The following SRD5A2 variants were observed in gnomAD, a reference collection of about 807,000 sequenced individuals.
The protein encoded by SRD5A2 is steroid 5 alpha-reductase 2.
In SRD5A2, 30 loss-of-function variants were observed where a neutral mutation model predicts 27.4. That is an observed-to-expected ratio of 1.10 (90% CI 0.82 to 1.49). The LOEUF (loss-of-function observed/expected upper bound fraction) is 1.49. SRD5A2 is among the 40% of genes most tolerant of loss of function. The pLI, the probability that SRD5A2 is intolerant of heterozygous loss-of-function variation, is 0.00. For missense variants in SRD5A2, 348 were observed against 323.4 expected, an observed-to-expected ratio of 1.08 and a Z score of -0.58; for synonymous variants, 141 against 133.6, an observed-to-expected ratio of 1.06 and a Z score of -0.38.
At chr2:31,620,568 T>C in the SRD5A2 span, among the ~76,000 whole-genome samples, 1 of 152,100 alleles carries the variant, frequency 6.6e-6, no homozygotes, top group African/African-American at 2.4e-5. Context: ...ATATTTGCTT[T>C]ATTGTGGTGG....
the SRD5A2 span, among the ~76,000 whole-genome samples, chr2:31,592,484 G>A: frequency 6.6e-6 from 1 of 152,186 alleles, no homozygotes; most frequent in African/African-American, 2.4e-5. Context: ...GCAGACACTG[G>A]CATTCACAGC....
chr2:31,635,898 C>T, the SRD5A2 span, among the ~76,000 whole-genome samples: 1 of 151,944 alleles, frequency 6.6e-6, no homozygotes, highest in African/African-American at 2.4e-5. Context: ...TATTCTGTTC[C>T]ATTGGTCTAG....
intron 1 of SRD5A2, among the ~76,000 whole-genome samples, chr2:31,555,656 G>A (rs1410536675): frequency 3.3e-5 from 5 of 152,160 alleles, no homozygotes; most frequent in Non-Finnish European, 7.4e-5. Flanking sequence ...ATCTGGACCT[G>A]AAGCTGGAAT....
At chr2:31,575,514 T>C (rs1405818732) in intron 1 of SRD5A2, among the ~76,000 whole-genome samples, 1 of 152,194 alleles carries the variant, frequency 6.6e-6, no homozygotes, top group Non-Finnish European at 1.5e-5. Flanking sequence ...AAGAAAAGAC[T>C]CAGACAAGGC....
At chr2:31,581,568 T>C (rs2148107904), upstream of SRD5A2, among the ~76,000 whole-genome samples, 1 of 152,240 alleles carries the variant, frequency 6.6e-6, no homozygotes, top group East Asian at 1.9e-4. Context: ...CCCTAATTCC[T>C]CAGCGGTTTC....
At chr2:31,635,178 T>G in the SRD5A2 span, among the ~76,000 whole-genome samples, 1 of 152,144 alleles carries the variant, frequency 6.6e-6, no homozygotes, top group Non-Finnish European at 1.5e-5. Context: ...CCTTTCCCCT[T>G]TCTCCATATC....
At chr2:31,655,966 C>T in the SRD5A2 span, among the ~76,000 whole-genome samples, 6 of 152,174 alleles carry the variant, frequency 3.9e-5, no homozygotes, top group African/African-American at 1.2e-4. Context: ...GTCCACCCAT[C>T]CTCTGACGCT....
At chr2:31,529,118 T>C (rs1262296990) in intron 4 of SRD5A2, among the ~76,000 whole-genome samples, 189 bp downstream of exon 4, 1 of 152,218 alleles carries the variant, frequency 6.6e-6, no homozygotes, top group African/African-American at 2.4e-5. Flanking sequence ...TTACTGCTAC[T>C]CTCATCCAGC....
the SRD5A2 span, among the ~76,000 whole-genome samples, chr2:31,609,336 A>G: frequency 6.6e-6 from 1 of 152,154 alleles, no homozygotes; most frequent in Non-Finnish European, 1.5e-5. Context: ...AAAAAACTGA[A>G]GGACTCACAT....
At chr2:31,559,301 C>G (rs1226730573) in intron 1 of SRD5A2, among the ~76,000 whole-genome samples, 1 of 152,204 alleles carries the variant, frequency 6.6e-6, no homozygotes, top group Non-Finnish European at 1.5e-5. Flanking sequence ...AGTAAGCTGT[C>G]TGCAGAAAAT....
the SRD5A2 span, among the ~76,000 whole-genome samples, chr2:31,602,811 G>A: frequency 6.6e-6 from 1 of 151,890 alleles, no homozygotes; most frequent in African/African-American, 2.4e-5. Context: ...AAACAGCAAT[G>A]GGAATAGGAT....
chr2:31,575,836 TC>T (rs1666947778), intron 1 of SRD5A2, among the ~76,000 whole-genome samples: 1 of 152,130 alleles, frequency 6.6e-6, no homozygotes, highest in African/African-American at 2.4e-5. Context: ...GTTATCAAGG[TC>T]CCATCAAAGT....
Position 31,563,194 on chromosome 2 carries a change from A to C in SRD5A2, c.281+17426T>G, listed in dbSNP as rs1666661702. On this transcript the variant is annotated intron_variant, in intron 1 of 4. Coordinates refer to ENST00000622030, the MANE Select transcript of SRD5A2 (RefSeq NM_000348.4). The stretch of plus-strand genomic sequence containing the variant: ...AATACGTCCCAAAGCATTACACGTC[A>C]AGCCTGAAGATGGAAAGTTTGGGGA... 3 of 152,244 alleles carry C rather than the reference A, an allele frequency of 2.0e-5. 1 individual carries two copies. In the South Asian group the frequency reaches 6.2e-4, roughly 32 times the overall value. The allele number at this position is 152,244 out of a possible 1,614,324, so 9.4% of individuals were successfully genotyped here.
the SRD5A2 span, among the ~76,000 whole-genome samples, chr2:31,622,432 G>A: frequency 1.3e-5 from 2 of 152,016 alleles, no homozygotes; most frequent in African/African-American, 4.8e-5. Context: ...TCAAAAAGTT[G>A]TTGAGATACT....
intron 1 of SRD5A2, among the ~76,000 whole-genome samples, chr2:31,579,717 T>C (rs1019227441): frequency 1.3e-5 from 2 of 152,156 alleles, no homozygotes; most frequent in African/African-American, 4.8e-5. Flanking sequence ...TACTAAACGA[T>C]TGGGCATGGT....
intron 1 of SRD5A2, chr2:31,563,292 T>G (rs1326533065): frequency 6.6e-6 from 1 of 151,952 alleles, no homozygotes; most frequent in African/African-American, 2.4e-5. Flanking sequence ...GATTATCCAA[T>G]TAGCAAAGAT....
chr2:31,580,559 T>C, intron 1 of SRD5A2, 61 bp downstream of exon 1: 1 of 1,434,626 alleles, frequency 7.0e-7, no homozygotes, highest in Non-Finnish European at 9.1e-7. Flanking sequence ...CACGCTGCGC[T>C]CCTGGACGCC....
intron 1 of SRD5A2, among the ~76,000 whole-genome samples, chr2:31,575,395 C>T (rs148303192): frequency 3.3e-5 from 5 of 152,328 alleles, no homozygotes; most frequent in Non-Finnish European, 7.3e-5. Context: ...ATGAGAACTA[C>T]GTTTCCTTAG....
At chr2:31,613,282 TA>T in the SRD5A2 span, among the ~76,000 whole-genome samples, 5 of 151,410 alleles carry the variant, frequency 3.3e-5, no homozygotes, top group Non-Finnish European at 5.9e-5. Context: ...AGAACCAATA[TA>T]AAAAAACACA....
Sources: allele counts gnomAD v4.1 joint callset (sites outside exome capture counted in the v4.1 genomes callset), GRCh38; gene constraint gnomAD v4.1.1; transcripts MANE v1.5; gene names NCBI Gene and HGNC (gene_info 2026-07-23, HGNC 2026-07-21).